The following DENND3 variants were observed in gnomAD, a reference collection of about 807,000 sequenced individuals.
The protein encoded by DENND3 is DENN domain containing 3.
Under a neutral mutation model 135.1 loss-of-function variants are expected in DENND3, and 88 were observed. The ratio of observed to expected loss-of-function variants is 0.65; its 90% confidence interval spans 0.55 to 0.78. The LOEUF (loss-of-function observed/expected upper bound fraction) is 0.78, where lower values mean the gene tolerates loss of function less well. DENND3 is among the 30% of genes least tolerant of loss of function. The probability of loss-of-function intolerance (pLI) is 0.00; values close to 1 mark genes in which losing one functional copy is unlikely to be tolerated. For missense variants in DENND3, 1,392 were observed against 1,688.4 expected, an observed-to-expected ratio of 0.82 and a Z score of 3.08; for synonymous variants, 693 against 712.3, an observed-to-expected ratio of 0.97 and a Z score of 0.43.
At chr8:141,129,018 C>CCTCTT (rs1179838131) in intron 1 of DENND3, among the ~76,000 whole-genome samples, 1 of 152,220 alleles carries the variant, frequency 6.6e-6, no homozygotes, top group African/African-American at 2.4e-5. Context: ...GCTCCCCTCC[C>CCTCTT]CTCTTCTCTC....
intron 17 of DENND3, among the ~76,000 whole-genome samples, chr8:141,181,367 C>T (rs993763667): frequency 2.0e-5 from 3 of 152,214 alleles, no homozygotes; most frequent in Non-Finnish European, 2.9e-5. Context: ...ACATCGTTTC[C>T]GCAGAAGCTC....
At chr8:141,159,303 C>A (rs1467600574) in intron 8 of DENND3, among the ~76,000 whole-genome samples, 5 of 152,228 alleles carry the variant, frequency 3.3e-5, no homozygotes, top group African/African-American at 1.2e-4. Context: ...GGCCAGTGCA[C>A]CCTTCCCATC....
Position 141,160,633 on chromosome 8 carries a change from G to A in DENND3, c.1198G>A (p.Val400Met). 2 of 1,600,462 alleles carry A rather than the reference G, an allele frequency of 1.2e-6. No individual in the cohort carries two copies. The highest frequency in any genetic ancestry group is 1.7e-6 in the Non-Finnish European group (2 of 1,170,390). ...TAGCTTCGGTCTGCCTCCTTCCAGG[G>A]TGCAGAGCCTCCAGCTCCACCATGA... ...LLAAQTFIQR[V>M]QSLQLHHELH... The change falls in exon 9 of 23, where the codon GTG becomes ATG. Residue 400 changes from valine to methionine, a missense_variant and splice_region_variant. Transcript: ENST00000519811.
At position 141,192,577 on chromosome 8, in the gene DENND3, A is replaced by G. The variant is rs1824900054; in HGVS notation, c.3550A>G (p.Ser1184Gly). The stretch of plus-strand genomic sequence containing the variant: ...AGGACGCAGCGAGGTTTACATCTGG[A>G]GCCTGAAGGACCTGGCCCAGCCCCC... ...CAGRSEVYIWSLKDLAQPPQR... is the reference protein window; with the variant it reads ...CAGRSEVYIWGLKDLAQPPQR... Residue 1184 changes from serine (S) to glycine (G), a missense_variant, in exon 22 of 23, where the codon AGC becomes GGC. Ser to Gly is a moderately conservative substitution (Grantham distance 56). Coordinates refer to ENST00000519811, the MANE Select transcript of DENND3 (RefSeq NM_001352890.3). 6.3e-7 allele frequency: 1 copy of G among 1,580,362 alleles called. No homozygotes were observed.
chr8:141,132,369 T>C (rs1462443385), intron 1 of DENND3, among the ~76,000 whole-genome samples: 2 of 152,236 alleles, frequency 1.3e-5, no homozygotes, highest in African/African-American at 4.8e-5. Flanking sequence ...TTATTTTTTT[T>C]TGTGGGGGAT....
At position 141,168,196 on chromosome 8, in the gene DENND3, T is replaced by G. The variant is rs377637628; in HGVS notation, c.1946T>G (p.Met649Arg). 6.2e-6 allele frequency: 10 copies of G among 1,614,100 alleles called. No individual in the cohort carries two copies. In the African/African-American group the frequency reaches 6.7e-5, roughly 11 times the overall value. Residue 649 changes from methionine to arginine, a missense_variant, in exon 13 of 23, where the codon ATG becomes AGG. Met to Arg is a moderately conservative substitution (Grantham distance 91). Coordinates refer to ENST00000519811, the MANE Select transcript of DENND3 (RefSeq NM_001352890.3). The surrounding 1 kb of genome is among the most constrained non-coding windows in gnomAD (Gnocchi z 6.2). ...TACCTCCGAGGGCTCGTTTATCTGA[T>G]GCAGGGACAGCTGCTGAACGCCCTC... ...YLYLRGLVYL[M>R]QGQLLNALLD...
In DENND3 at chr8:141,188,968, C is replaced by T. The variant is rs781268138; in HGVS notation, c.3085-18C>T. 12 of 1,607,880 alleles carry T rather than the reference C, an allele frequency of 7.5e-6. No individual in the cohort carries two copies. The East Asian group carries it at 1.3e-4, about 18-fold the overall frequency. ...TCGAGACTGACTGATTTCTCACGTT[C>T]CCGTGGCCTCCTGTTAGAACTGCAT... On this transcript the variant is annotated intron_variant, in intron 18 of 22. Coordinates refer to ENST00000519811, the MANE Select transcript of DENND3 (RefSeq NM_001352890.3).
chr8:141,166,050 A>G lies in DENND3; in HGVS notation c.1554-140A>G, dbSNP rs112396192. ...CTGCACTTGGTGAGATTTGGGCAAC[A>G]TGTTCTTACCAGTCTGTTTTCCACT... On this transcript the variant is annotated intron_variant, in intron 11 of 22. Transcript: ENST00000519811. The surrounding 1 kb of genome is among the most constrained non-coding windows in gnomAD (Gnocchi z 4.3). The G allele has an allele frequency of 1.1e-3, 935 of 878,930 alleles. 6 individuals are homozygous for G. The African/African-American group carries it at 0.014, about 13-fold the overall frequency. The allele number at this position is 878,930 out of a possible 1,614,324, so 54.4% of individuals were successfully genotyped here.
Position 141,192,341 on chromosome 8 carries a change from C to G in DENND3, c.3390C>G (p.Asn1130Lys). The change falls in exon 21 of 23, where the codon AAC becomes AAG. Residue 1130 changes from asparagine (N) to lysine (K), a missense_variant. Physicochemically the swap from Asn to Lys is moderately conservative, Grantham distance 94. Transcript: ENST00000519811. ...HGGRLWCCTG[N>K]SIMVMKMNGS... ...TCCTTCCTTCCACAGGCACAGGTAACAGCATCATGGTCATGAAAATGAATG... is the reference window on the plus strand; with the variant it reads ...TCCTTCCTTCCACAGGCACAGGTAAGAGCATCATGGTCATGAAAATGAATG... 6.2e-7 allele frequency: 1 copy of G among 1,614,128 alleles called. No homozygotes were observed. The highest frequency in any genetic ancestry group is 8.5e-7 in the Non-Finnish European group (1 of 1,180,022).
chr8:141,160,727 A>C lies in DENND3; in HGVS notation c.1292A>C (p.Gln431Pro). 6.2e-7 allele frequency: 1 copy of C among 1,613,194 alleles called. No homozygotes were observed. The highest frequency in any genetic ancestry group is 8.5e-7 in the Non-Finnish European group (1 of 1,179,884). Residue 431 changes from glutamine (Q) to proline (P), a missense_variant, in exon 9 of 23, where the codon CAG becomes CCG. Coordinates refer to ENST00000519811, the MANE Select transcript of DENND3 (RefSeq NM_001352890.3). ...KEGRAHRRSW[Q>P]QKLNCQIQQT... Reference sequence around the variant, plus strand: ...GGCCGAGCCCACCGGCGGTCCTGGCAGCAGAAACTCAACTGCCAGATACAG... The same window carrying C: ...GGCCGAGCCCACCGGCGGTCCTGGCCGCAGAAACTCAACTGCCAGATACAG...
In DENND3 at chr8:141,165,270, A is replaced by G. The variant is rs765973864; in HGVS notation, c.1534A>G (p.Thr512Ala). The change falls in exon 11 of 23, where the codon ACC (threonine) becomes GCC (alanine). Residue 512 changes from threonine to alanine, a missense_variant. Thr to Ala is a moderately conservative substitution (Grantham distance 58). Coordinates refer to ENST00000519811, the MANE Select transcript of DENND3 (RefSeq NM_001352890.3). ...CGCCTTTGCTCAGATGGACCTCGAC[A>G]CCCAGTCGGAGGAGGACAGGTGCTT... is the stretch of plus-strand genomic sequence containing the variant. ...MDAFAQMDLD[T>A]QSEEDRINGM... 3.7e-6 allele frequency: 6 copies of G among 1,614,040 alleles called. No individual in the cohort carries two copies. Among genetic ancestry groups the G allele is most frequent in the Non-Finnish European group, 5.1e-6 (6 of 1,179,918 alleles).
At position 141,137,620 on chromosome 8, in the gene DENND3, G is replaced by C. The variant is rs1484894313; in HGVS notation, c.386-402G>C. ...AGTTAACAGGTGAGCTTGCATTTTG[G>C]GGCGTTATTTTTCCTGTGGTCTTCA... On this transcript the variant is annotated intron_variant, in intron 2 of 22. Transcript: ENST00000519811. The surrounding 1 kb of genome is among the most constrained non-coding windows in gnomAD (Gnocchi z 4.1). Among the ~76,000 whole-genome samples, 1 of 152,154 alleles carries C rather than the reference G, an allele frequency of 6.6e-6. No individual in the cohort carries two copies. The highest frequency in any genetic ancestry group is 1.5e-5 in the Non-Finnish European group (1 of 68,026).
At chr8:141,153,240 T>C (rs1041738610) in intron 7 of DENND3, among the ~76,000 whole-genome samples, 3 of 151,876 alleles carry the variant, frequency 2.0e-5, no homozygotes, top group African/African-American at 4.8e-5. Flanking sequence ...ACTACAGGCA[T>C]GTGCCACCAC....
rs569612239 is a variant in DENND3, at chr8:141,182,090, C to T, written c.2944+1236C>T. ...GGATTACAGGTGTGAGCCACTGCGCCAGCCCAGAAGGGATTTTTAAAATTG... is the reference window on the plus strand; with the variant it reads ...GGATTACAGGTGTGAGCCACTGCGCTAGCCCAGAAGGGATTTTTAAAATTG... On this transcript the variant is annotated intron_variant, in intron 17 of 22. Coordinates refer to ENST00000519811, the MANE Select transcript of DENND3 (RefSeq NM_001352890.3). The surrounding 1 kb of genome is among the most constrained non-coding windows in gnomAD (Gnocchi z 5.9). Among the ~76,000 whole-genome samples the T allele has an allele frequency of 6.6e-6, 1 of 152,306 alleles. No individual in the cohort carries two copies. Among genetic ancestry groups the T allele is most frequent in the Admixed American group, 6.5e-5 (1 of 15,304 alleles).
At chr8:141,149,948 C>T (rs1274444405) in intron 5 of DENND3, among the ~76,000 whole-genome samples, 8 of 152,210 alleles carry the variant, frequency 5.3e-5, no homozygotes, top group African/African-American at 1.2e-4. Context: ...AGCAGGGCCA[C>T]GGGAGACCTT....
Position 141,175,422 on chromosome 8 carries a change from C to T in DENND3, c.2498C>T (p.Pro833Leu). Residue 833 changes from proline to leucine, a missense_variant, in exon 14 of 23, where the codon CCA becomes CTA. Pro to Leu is a moderately conservative substitution (Grantham distance 98). Transcript: ENST00000519811. The surrounding 1 kb of genome is among the most constrained non-coding windows in gnomAD (Gnocchi z 5.4). ...CTGTTCCTCCTAACCGAAGGAAGGC[C>T]AGGCTACTTGGAGATTTCCACCTTC... is the stretch of plus-strand genomic sequence containing the variant. ...KRLFLLTEGR[P>L]GYLEISTFRN... 6.2e-7 allele frequency: 1 copy of T among 1,614,170 alleles called. No homozygotes were observed. The highest frequency in any genetic ancestry group is 8.5e-7 in the Non-Finnish European group (1 of 1,180,044).
intron 7 of DENND3, among the ~76,000 whole-genome samples, chr8:141,152,075 C>T (rs942583871): frequency 3.9e-5 from 6 of 152,184 alleles, no homozygotes; most frequent in Admixed American, 6.5e-5. Flanking sequence ...CTCATTGTCC[C>T]GGTGAGGGCC....
In DENND3 at chr8:141,154,372, CCCATGCT is replaced by C. The variant is rs1294276106; in HGVS notation, c.1075-1475_1075-1469del. ...CGCGGTCTCTTAGCCCAGGCCCCTG[CCCATGCT>C]CTGGTGCTTGGAGGGGCGGAGCTGG... On this transcript the variant is annotated intron_variant, in intron 7 of 22. Coordinates refer to ENST00000519811, the MANE Select transcript of DENND3 (RefSeq NM_001352890.3). The surrounding 1 kb of genome is among the most constrained non-coding windows in gnomAD (Gnocchi z 4.4). Among the ~76,000 whole-genome samples, 1 of 152,166 alleles carries C rather than the reference CCCATGCT, an allele frequency of 6.6e-6. No individual in the cohort carries two copies. Among genetic ancestry groups the C allele is most frequent in the Non-Finnish European group, 1.5e-5 (1 of 68,030 alleles).
chr8:141,164,425 C>T (rs369350647), intron 10 of DENND3, among the ~76,000 whole-genome samples: 83 of 152,238 alleles, frequency 5.5e-4, no homozygotes, highest in African/African-American at 2.0e-3. Context: ...TGGGGTGGGC[C>T]GAGAACAGCC....
Sources: allele counts gnomAD v4.1 joint callset (sites outside exome capture counted in the v4.1 genomes callset), GRCh38; gene constraint gnomAD v4.1.1; non-coding constraint Gnocchi (gnomAD v3.1); transcripts MANE v1.5; gene names NCBI Gene and HGNC (gene_info 2026-07-23, HGNC 2026-07-21).